Variants in PHF14 observed in about 807,000 individuals in gnomAD.
PHF14 encodes the protein PHD finger protein 14.
Under a neutral mutation model 117.9 loss-of-function variants are expected in PHF14, and 55 were observed. The observed-to-expected ratio is 0.47, with a 90% CI of 0.38 to 0.58. The LOEUF is 0.58. PHF14 is among the 20% of genes least tolerant of loss of function. The pLI is 0.00. For synonymous variants in PHF14, 409 were observed against 368.6 expected, an observed-to-expected ratio of 1.11 and a Z score of -1.26; for missense variants, 978 against 1,122.2, an observed-to-expected ratio of 0.87 and a Z score of 1.84.
chr7:11,048,815 A>G (rs1180243634), intron 13 of PHF14, among the ~76,000 whole-genome samples: 2 of 152,184 alleles, frequency 1.3e-5, no homozygotes, highest in African/African-American at 2.4e-5. Flanking sequence ...TACTGCAACA[A>G]TCATGTGGCG....
chr7:11,045,970 G>A (rs1180495714), intron 13 of PHF14, among the ~76,000 whole-genome samples: 1 of 152,158 alleles, frequency 6.6e-6, no homozygotes, highest in Non-Finnish European at 1.5e-5. Context: ...CTGCTGCCCA[G>A]GAGAAGGAGA....
At chr7:11,000,835 T>C (rs1782843918) in intron 4 of PHF14, among the ~76,000 whole-genome samples, 1 of 152,156 alleles carries the variant, frequency 6.6e-6, no homozygotes, top group South Asian at 2.1e-4. Flanking sequence ...CTTGAAGGTA[T>C]CTCTCACAGA....
chr7:11,000,563 T>G (rs188053118), intron 4 of PHF14, among the ~76,000 whole-genome samples: 1 of 152,270 alleles, frequency 6.6e-6, no homozygotes, highest in East Asian at 1.9e-4. Context: ...GGTCTCAAAC[T>G]CCAGACCTCA....
At chr7:11,119,721 C>G (rs1187497878) in intron 17 of PHF14, among the ~76,000 whole-genome samples, 1 of 151,826 alleles carries the variant, frequency 6.6e-6, no homozygotes. Flanking sequence ...AATATTGTTT[C>G]CAACCTACAT....
intron 16 of PHF14, among the ~76,000 whole-genome samples, chr7:11,099,732 T>C (rs1040787647): frequency 7.9e-5 from 12 of 152,158 alleles, no homozygotes; most frequent in Non-Finnish European, 1.2e-4. Context: ...GTCTTATCTT[T>C]AAAATGAAGA....
At chr7:11,160,913 TTTAA>T (rs1789005689) in intron 17 of PHF14, among the ~76,000 whole-genome samples, 1 of 152,134 alleles carries the variant, frequency 6.6e-6, no homozygotes, top group African/African-American at 2.4e-5. Context: ...TGCTCTTGAG[TTTAA>T]TTAGGTTCCA....
chr7:11,162,117 C>A (rs1789060924), intron 17 of PHF14, among the ~76,000 whole-genome samples: 1 of 96,510 alleles, frequency 1.0e-5, no homozygotes, highest in Non-Finnish European at 2.0e-5. Flanking sequence ...GAGACAGAGC[C>A]TTGCTCTGTC....
At chr7:11,116,266 C>A (rs1241249697) in intron 17 of PHF14, among the ~76,000 whole-genome samples, 1 of 151,968 alleles carries the variant, frequency 6.6e-6, no homozygotes. Context: ...GTCTCTATCT[C>A]CATTCCTGGA....
At chr7:11,047,038 C>T (rs968979173) in intron 13 of PHF14, among the ~76,000 whole-genome samples, 8 of 150,834 alleles carry the variant, frequency 5.3e-5, no homozygotes, top group African/African-American at 9.7e-5. Context: ...TTAACTTACA[C>T]GAATAAAATT....
chr7:11,060,729 A>G (rs2128329283), intron 14 of PHF14, among the ~76,000 whole-genome samples: 1 of 152,292 alleles, frequency 6.6e-6, no homozygotes, highest in Admixed American at 6.5e-5. Context: ...TATAGTCTTC[A>G]GTTTTCTGCC....
intron 13 of PHF14, among the ~76,000 whole-genome samples, chr7:11,047,304 A>G (rs926511373): frequency 2.0e-5 from 3 of 151,782 alleles, no homozygotes; most frequent in Admixed American, 6.6e-5. Context: ...TCCTGACCTC[A>G]TGATCCGCCT....
chr7:11,003,450 A>G (rs1469713067), intron 4 of PHF14, among the ~76,000 whole-genome samples: 1 of 152,076 alleles, frequency 6.6e-6, no homozygotes, highest in East Asian at 1.9e-4. Context: ...TTATTTGGAG[A>G]TTTGAAAAAT....
At chr7:11,052,360 A>G (rs1441278432) in intron 14 of PHF14, among the ~76,000 whole-genome samples, 1 of 152,148 alleles carries the variant, frequency 6.6e-6, no homozygotes, top group Non-Finnish European at 1.5e-5. Flanking sequence ...TGGAAAGAAT[A>G]GATTATTACC....
intron 6 of PHF14, among the ~76,000 whole-genome samples, chr7:11,025,713 T>G (rs905481769): frequency 1.4e-4 from 21 of 152,014 alleles, no homozygotes; most frequent in Admixed American, 2.6e-4. Flanking sequence ...GAGAATGGCG[T>G]GAACCCGGGA....
chr7:11,044,195 A>G (rs944897768), intron 13 of PHF14, among the ~76,000 whole-genome samples: 3 of 152,056 alleles, frequency 2.0e-5, no homozygotes, highest in African/African-American at 7.2e-5. Context: ...GCAAGGTTTG[A>G]AAAACTGTTG....
chr7:11,043,715 C>G (rs773276196), intron 13 of PHF14, among the ~76,000 whole-genome samples: 9 of 152,066 alleles, frequency 5.9e-5, no homozygotes, highest in Non-Finnish European at 8.8e-5. Context: ...GATATTCATA[C>G]TGGCCTGTTC....
At chr7:11,162,664 C>T (rs928506723) in intron 17 of PHF14, among the ~76,000 whole-genome samples, 1 of 151,016 alleles carries the variant, frequency 6.6e-6, no homozygotes, top group Non-Finnish European at 1.5e-5. Flanking sequence ...GAGGGAGTCC[C>T]TCTTGATCCC....
intron 16 of PHF14, chr7:11,107,376 G>C: frequency 5.7e-6 from 5 of 875,782 alleles, no homozygotes; most frequent in Non-Finnish European, 6.8e-6. Flanking sequence ...ACTACATTTT[G>C]TTAATGGGTA....
intron 17 of PHF14, among the ~76,000 whole-genome samples, chr7:11,156,767 C>T (rs1788869993): frequency 6.6e-6 from 1 of 152,016 alleles, no homozygotes; most frequent in African/African-American, 2.4e-5. Context: ...GCATTCCAGC[C>T]TGGTCATAGA....
Sources: allele counts gnomAD v4.1 joint callset (sites outside exome capture counted in the v4.1 genomes callset), GRCh38; gene constraint gnomAD v4.1.1; transcripts MANE v1.5; gene names NCBI Gene and HGNC (gene_info 2026-07-23, HGNC 2026-07-21).